The following FOXI2 variants were observed in gnomAD, a reference collection of about 807,000 sequenced individuals.
FOXI2 encodes the protein forkhead box I2.
In FOXI2, 17 loss-of-function variants were observed where a neutral mutation model predicts 14.3. That is an observed-to-expected ratio of 1.19 (90% CI 0.81 to 1.78). FOXI2 has a LOEUF of 1.78. Among genes scored for constraint, FOXI2 ranks in the 40% most tolerant of loss-of-function variants. The pLI is 0.00. For synonymous variants in FOXI2, 240 were observed against 218.8 expected (o/e 1.10, Z -0.85); for missense variants, 541 against 460.0 (o/e 1.18, Z -1.61).
rs1178609934 is a variant in FOXI2 at position 127,740,585 on chromosome 10, A to AGG, written c.*1623_*1624dup. On this transcript the variant is annotated 3_prime_UTR_variant, in exon 2 of 2. Coordinates refer to ENST00000388920, the MANE Select transcript of FOXI2 (RefSeq NM_207426.3). ...TCCCTGCATTTTGGGGGAGGGTGGG[A>AGG]GGGGTCCTTCCCAGGAAGAGAGTGG... is the stretch of plus-strand genomic sequence containing the variant. 4 of 38,530 alleles carry AGG rather than the reference A, an allele frequency of 1.0e-4. No individual in the cohort carries two copies. The highest frequency in any genetic ancestry group is 3.9e-4 in the African/African-American group (4 of 10,370). The allele number at this position is 38,530 out of a possible 1,614,324, so 2.4% of individuals were successfully genotyped here.
At position 127,738,736 on chromosome 10, in the gene FOXI2, C is replaced by T. The variant is rs1564748574; in HGVS notation, c.728C>T (p.Thr243Ile). The T allele has an allele frequency of 6.2e-7, 1 of 1,601,724 alleles. No individual in the cohort carries two copies. The part of the protein sequence containing the change: ...SPSPSAPEAA[T>I]CFSGFASAMS... ...TCTCCATCCGCACCCGAGGCCGCCACCTGCTTCTCCGGTTTCGCTTCTGCT... is the reference window on the plus strand; with the variant it reads ...TCTCCATCCGCACCCGAGGCCGCCATCTGCTTCTCCGGTTTCGCTTCTGCT... The change falls in exon 2 of 2, where the codon ACC (threonine) becomes ATC (isoleucine). Residue 243 changes from threonine to isoleucine, a missense_variant. Transcript: ENST00000388920.
rs1187851656 is a variant in FOXI2, at chr10:127,740,123, A to C, written c.*1158A>C. The C allele has an allele frequency of 2.5e-5, 1 of 40,354 alleles. No homozygotes were observed. Among genetic ancestry groups the C allele is most frequent in the Admixed American group, 3.1e-4 (1 of 3,176 alleles). The allele number at this position is 40,354 out of a possible 1,614,324, so 2.5% of individuals were successfully genotyped here. A position where few individuals can be genotyped will look rare whatever the true frequency, so the allele number is the denominator to read the frequency against. ...ACACCCACACTCACACCACACTCAC[A>C]CCCACACACACCCACACTCATACTC... is the stretch of plus-strand genomic sequence containing the variant. On this transcript the variant is annotated 3_prime_UTR_variant, in exon 2 of 2. Coordinates refer to ENST00000388920, the MANE Select transcript of FOXI2 (RefSeq NM_207426.3).
chr10:127,737,476 A>G lies in FOXI2; in HGVS notation c.203A>G (p.Tyr68Cys), dbSNP rs543325801. Residue 68 changes from tyrosine (Y) to cysteine (C), a missense_variant, in exon 1 of 2, where the codon TAC becomes TGC. Tyr to Cys is a radical substitution (Grantham distance 194). Coordinates refer to ENST00000388920, the MANE Select transcript of FOXI2 (RefSeq NM_207426.3). ...GCGCCGCCCTACGCGGCCCCGAGCT[A>G]CGGGGCTCCCGGCCCGCTCCTCGGC... ...GPAPPYAAPS[Y>C]GAPGPLLGAP... The G allele has an allele frequency of 1.8e-5, 25 of 1,385,322 alleles. No homozygotes were observed. In the Admixed American group the frequency reaches 2.3e-4, roughly 13 times the overall value. 85.8% of individuals were successfully genotyped at this position (1,385,322 alleles called of 1,614,324 possible). A position where few individuals can be genotyped will look rare whatever the true frequency, so the allele number is the denominator to read the frequency against.
In FOXI2 at chr10:127,738,586, G is replaced by A. The variant is rs1483651046; in HGVS notation, c.578G>A (p.Arg193Lys). Residue 193 changes from arginine (R) to lysine (K), a missense_variant, in exon 2 of 2, where the codon AGG (arginine) becomes AAG (lysine). Coordinates refer to ENST00000388920, the MANE Select transcript of FOXI2 (RefSeq NM_207426.3). ...ATGTTTGACAACGGGAACTTCCGAAGGAAGAGGAAGAGGAGAGCTGAAGCC... is the reference window on the plus strand; with the variant it reads ...ATGTTTGACAACGGGAACTTCCGAAAGAAGAGGAAGAGGAGAGCTGAAGCC... Reference protein sequence around the residue: ...EKMFDNGNFRRKRKRRAEASA... With the variant: ...EKMFDNGNFRKKRKRRAEASA... 5.6e-6 allele frequency: 9 copies of A among 1,612,100 alleles called. No homozygotes were observed. Among genetic ancestry groups the A allele is most frequent in the Non-Finnish European group, 7.6e-6 (9 of 1,179,066 alleles).
chr10:127,737,394 CT>C lies in FOXI2; in HGVS notation c.122del (p.Leu41ArgfsTer3). 3 of 1,391,698 alleles carry C rather than the reference CT, an allele frequency of 2.2e-6. No individual in the cohort carries two copies. The African/African-American group carries it at 4.6e-5, about 21-fold the overall frequency. 86.2% of individuals were successfully genotyped at this position (1,391,698 alleles called of 1,614,324 possible). A position where few individuals can be genotyped will look rare whatever the true frequency, so the allele number is the denominator to read the frequency against. ...GGGCGCGGTGGGCGGGGGCCCCCTCCTGTGGGTGAACGCGCCAGCGCTCAGC... is the reference window on the plus strand; with the variant it reads ...GGGCGCGGTGGGCGGGGGCCCCCTCCGTGGGTGAACGCGCCAGCGCTCAGC... ...DLGAVGGGPL[L>X]WVNAPALSPK... On this transcript the variant is annotated frameshift_variant, in exon 1 of 2. Coordinates refer to ENST00000388920, the MANE Select transcript of FOXI2 (RefSeq NM_207426.3). LOFTEE classifies it high-confidence loss of function.
chr10:127,738,946 G>A lies in FOXI2; in HGVS notation c.938G>A (p.Arg313Gln), dbSNP rs776742389. Residue 313 changes from arginine (R) to glutamine (Q), a missense_variant, in exon 2 of 2, where the codon CGG becomes CAG. Physicochemically the swap from Arg to Gln is conservative, Grantham distance 43. Transcript: ENST00000388920. ...GFRLSHLLYS[R>Q]EGTEV ...CGCCTCAGTCACCTCCTCTACAGCCGGGAAGGGACCGAAGTTTGAAGGGAG... is the reference window on the plus strand; with the variant it reads ...CGCCTCAGTCACCTCCTCTACAGCCAGGAAGGGACCGAAGTTTGAAGGGAG... 2 of 1,600,796 alleles carry A rather than the reference G, an allele frequency of 1.2e-6. No individual in the cohort carries two copies. The highest frequency in any genetic ancestry group is 1.1e-5 in the South Asian group (1 of 90,994).
chr10:127,740,323 G>C lies in FOXI2; in HGVS notation c.*1358G>C, dbSNP rs923614000. On this transcript the variant is annotated 3_prime_UTR_variant, in exon 2 of 2. Transcript: ENST00000388920. ...GTGTGTTCAGAGCTCCTGAACAGCA[G>C]CCTCCTGTGTAAATTGAACCCTGCC... is the stretch of plus-strand genomic sequence containing the variant. 6.6e-6 allele frequency: 1 copy of C among 152,212 alleles called. No individual in the cohort carries two copies. The highest frequency in any genetic ancestry group is 1.5e-5 in the Non-Finnish European group (1 of 68,054). The allele number at this position is 152,212 out of a possible 1,614,324, so 9.4% of individuals were successfully genotyped here.
chr10:127,737,699 C>A lies in FOXI2; in HGVS notation c.426C>A (p.Ser142Arg), dbSNP rs190070476. 3 of 1,606,600 alleles carry A rather than the reference C, an allele frequency of 1.9e-6. No individual in the cohort carries two copies. The African/African-American group carries it at 4.0e-5, about 21-fold the overall frequency. Reference sequence around the variant, plus strand: ...GTAACTTCCCTTTCTACAAGCGCAGCAAGGCGGGCTGGCAGAACTCCATCC... The same window carrying A: ...GTAACTTCCCTTTCTACAAGCGCAGAAAGGCGGGCTGGCAGAACTCCATCC... ...VAGNFPFYKR[S>R]KAGWQNSIRH... Residue 142 changes from serine (S) to arginine (R), a missense_variant, in exon 1 of 2, where the codon AGC (serine) becomes AGA (arginine). By Grantham distance (110) the Ser-to-Arg change is moderately radical. Coordinates refer to ENST00000388920, the MANE Select transcript of FOXI2 (RefSeq NM_207426.3).
chr10:127,738,552 T>A lies in FOXI2; in HGVS notation c.544T>A (p.Cys182Ser), dbSNP rs891075010. The A allele has an allele frequency of 1.2e-6, 2 of 1,613,094 alleles. No homozygotes were observed. Among genetic ancestry groups the A allele is most frequent in the African/African-American group, 1.3e-5 (1 of 75,010 alleles). ...CAATTACTGGACCCTGGACCCCAAC[T>A]GCGAGAAGATGTTTGACAACGGGAA... ...KGNYWTLDPN[C>S]EKMFDNGNFR... The change falls in exon 2 of 2, where the codon TGC becomes AGC. Residue 182 changes from cysteine to serine, a missense_variant. Coordinates refer to ENST00000388920, the MANE Select transcript of FOXI2 (RefSeq NM_207426.3).
rs1846459334 is a variant in FOXI2, at chr10:127,739,155, T to C, written c.*190T>C. ...CTTGGGCTTTGGGGTGGGTGGCCCT[T>C]CTGCTGTGCACCCCTCACCCAGGCG... On this transcript the variant is annotated 3_prime_UTR_variant, in exon 2 of 2. Coordinates refer to ENST00000388920, the MANE Select transcript of FOXI2 (RefSeq NM_207426.3). 1 of 581,964 alleles carries C rather than the reference T, an allele frequency of 1.7e-6. No homozygotes were observed. 36.1% of individuals were successfully genotyped at this position (581,964 alleles called of 1,614,324 possible). A position where few individuals can be genotyped will look rare whatever the true frequency, so the allele number is the denominator to read the frequency against.
rs1176970626 is a variant in FOXI2 at position 127,739,962 on chromosome 10, CACTCAT to C, written c.*1003_*1008del. The C allele has an allele frequency of 9.4e-5, 2 of 21,238 alleles. No individual in the cohort carries two copies. Among genetic ancestry groups the C allele is most frequent in the Non-Finnish European group, 2.6e-4 (1 of 3,826 alleles). The allele number at this position is 21,238 out of a possible 1,614,324, so 1.3% of individuals were successfully genotyped here. On this transcript the variant is annotated 3_prime_UTR_variant, in exon 2 of 2. Coordinates refer to ENST00000388920, the MANE Select transcript of FOXI2 (RefSeq NM_207426.3). ...ACACACTCACACCCACACACACCCACACTCATACTCACACTCACACCCACACTCACA... is the reference window on the plus strand; with the variant it reads ...ACACACTCACACCCACACACACCCACACTCACACTCACACCCACACTCACA...
chr10:127,737,553 C>T lies in FOXI2; in HGVS notation c.280C>T (p.Gln94Ter), dbSNP rs1319115638. ...ADLAWLSLSG[Q>*]QELLRLVRPP... ...CCTCGCCTGGCTGAGCCTCTCCGGC[C>T]AGCAGGAGCTGCTGAGGCTGGTGCG... is the stretch of plus-strand genomic sequence containing the variant. Residue 94 changes from glutamine to a stop codon, truncating the protein, a stop_gained, in exon 1 of 2, where the codon CAG becomes TAG. Coordinates refer to ENST00000388920, the MANE Select transcript of FOXI2 (RefSeq NM_207426.3). LOFTEE classifies it high-confidence loss of function. 1.1e-5 allele frequency: 17 copies of T among 1,531,312 alleles called. No individual in the cohort carries two copies. The East Asian group carries it at 3.6e-4, about 32-fold the overall frequency. The allele number at this position is 1,531,312 out of a possible 1,614,324, so 94.9% of individuals were successfully genotyped here. A position where few individuals can be genotyped will look rare whatever the true frequency, so the allele number is the denominator to read the frequency against.
Position 127,740,068 on chromosome 10 carries a change from A to AC in FOXI2, c.*1103_*1104insC, listed in dbSNP as rs1491488724. 2.9e-5 allele frequency: 2 copies of AC among 68,580 alleles called. No homozygotes were observed. The highest frequency in any genetic ancestry group is 5.7e-5 in the African/African-American group (1 of 17,424). 4.2% of individuals were successfully genotyped at this position (68,580 alleles called of 1,614,324 possible). The stretch of plus-strand genomic sequence containing the variant: ...GACACCCACACTCACACCCACACTC[A>AC]TACTCACACTCACACCCACACTCAC... On this transcript the variant is annotated 3_prime_UTR_variant, in exon 2 of 2. Coordinates refer to ENST00000388920, the MANE Select transcript of FOXI2 (RefSeq NM_207426.3).
In FOXI2 at chr10:127,737,773, A is replaced by G; in HGVS notation, c.500A>G (p.Glu167Gly). 6.2e-7 allele frequency: 1 copy of G among 1,610,696 alleles called. No homozygotes were observed. ...NDCFKKVPRD[E>G]DDPGKGNYWT... ...TGCTTCAAGAAGGTGCCCCGCGACG[A>G]GGACGACCCAGGTAACAGCGGCGCG... Residue 167 changes from glutamate to glycine, a missense_variant, in exon 1 of 2, where the codon GAG (glutamate) becomes GGG (glycine). Physicochemically the swap from Glu to Gly is moderately conservative, Grantham distance 98 (BLOSUM62 -2). Transcript: ENST00000388920.
rs766282623 is a variant in FOXI2 at position 127,738,573 on chromosome 10, G to C, written c.565G>C (p.Gly189Arg). 6.2e-6 allele frequency: 10 copies of C among 1,612,770 alleles called. No homozygotes were observed. Among genetic ancestry groups the C allele is most frequent in the Non-Finnish European group, 8.5e-6 (10 of 1,179,424 alleles). Residue 189 changes from glycine (G) to arginine (R), a missense_variant, in exon 2 of 2, where the codon GGG becomes CGG. Physicochemically the swap from Gly to Arg is moderately radical, Grantham distance 125. Transcript: ENST00000388920. The stretch of plus-strand genomic sequence containing the variant: ...CAACTGCGAGAAGATGTTTGACAAC[G>C]GGAACTTCCGAAGGAAGAGGAAGAG... ...DPNCEKMFDN[G>R]NFRRKRKRRA...
In FOXI2 at chr10:127,739,979, A is replaced by G. The variant is rs1328850778; in HGVS notation, c.*1014A>G. On this transcript the variant is annotated 3_prime_UTR_variant, in exon 2 of 2. Transcript: ENST00000388920. ...CACACCCACACTCATACTCACACTCACACCCACACTCACACCACACCCACA... is the reference window on the plus strand; with the variant it reads ...CACACCCACACTCATACTCACACTCGCACCCACACTCACACCACACCCACA... 1.2e-5 allele frequency: 1 copy of G among 86,302 alleles called. No homozygotes were observed. Among genetic ancestry groups the G allele is most frequent in the South Asian group, 4.3e-4 (1 of 2,304 alleles). 5.3% of individuals were successfully genotyped at this position (86,302 alleles called of 1,614,324 possible).
In FOXI2 at chr10:127,740,923, G is replaced by C. The variant is rs1198051469; in HGVS notation, c.*1958G>C. On this transcript the variant is annotated 3_prime_UTR_variant, in exon 2 of 2. Coordinates refer to ENST00000388920, the MANE Select transcript of FOXI2 (RefSeq NM_207426.3). ...CTGGTCATATGTTTCATCAGCAGTG[G>C]CTCCTAACTCCACGTGCCATCTCTG... 1 of 152,126 alleles carries C rather than the reference G, an allele frequency of 6.6e-6. No homozygotes were observed. Among genetic ancestry groups the C allele is most frequent in the Non-Finnish European group, 1.5e-5 (1 of 68,034 alleles). 9.4% of individuals were successfully genotyped at this position (152,126 alleles called of 1,614,324 possible).
chr10:127,739,068 G>A lies in FOXI2; in HGVS notation c.*103G>A, dbSNP rs893548383. ...ACGTGTTGGCGTTGAAGGCCTTGGT[G>A]CCCTGGGAGGAAGCGCAGAGCCGGG... On this transcript the variant is annotated 3_prime_UTR_variant, in exon 2 of 2. Coordinates refer to ENST00000388920, the MANE Select transcript of FOXI2 (RefSeq NM_207426.3). The A allele has an allele frequency of 9.5e-7, 1 of 1,047,698 alleles. No homozygotes were observed. The highest frequency in any genetic ancestry group is 2.7e-5 in the Admixed American group (1 of 37,542). 64.9% of individuals were successfully genotyped at this position (1,047,698 alleles called of 1,614,324 possible). A position where few individuals can be genotyped will look rare whatever the true frequency, so the allele number is the denominator to read the frequency against.
chr10:127,739,117 G>A lies in FOXI2; in HGVS notation c.*152G>A. 3.0e-6 allele frequency: 2 copies of A among 674,742 alleles called. No individual in the cohort carries two copies. Among genetic ancestry groups the A allele is most frequent in the South Asian group, 1.9e-5 (1 of 51,652 alleles). The allele number at this position is 674,742 out of a possible 1,614,324, so 41.8% of individuals were successfully genotyped here. On this transcript the variant is annotated 3_prime_UTR_variant, in exon 2 of 2. Transcript: ENST00000388920. ...GGGGCGGCTCGGCCAGCAGGGAGCT[G>A]GGCTGAGCGGCTCTTGGGCTTTGGG... is the stretch of plus-strand genomic sequence containing the variant.
Sources: gnomAD v4.1 joint callset for allele counts on GRCh38, gnomAD v4.1.1 for gene constraint, MANE v1.5 for transcripts, NCBI Gene and HGNC (gene_info 2026-07-23, HGNC 2026-07-21) for gene names.